The following LRRC37A2 variants were observed in gnomAD, a reference collection of about 807,000 sequenced individuals.
LRRC37A2 encodes the protein leucine rich repeat containing 37 member A2.
LRRC37A2 carries 9 observed loss-of-function variants against 68.8 expected under a neutral mutation model. The ratio of observed to expected loss-of-function variants is 0.13; its 90% confidence interval spans 0.08 to 0.23. The LOEUF is 0.23. Among genes scored for constraint, LRRC37A2 ranks in the 10% least tolerant of loss-of-function variants. The pLI is 1.00. For synonymous variants in LRRC37A2, 63 were observed against 367.6 expected (o/e 0.17, Z 9.48); for missense variants, 168 against 950.4 (o/e 0.18, Z 10.82).
the LRRC37A2 span, among the ~76,000 whole-genome samples, chr17:46,392,435 T>TTCTTTCTC: frequency 3.5e-5 from 1 of 28,378 alleles, no homozygotes; most frequent in East Asian, 5.9e-4. Context: ...CTTTCTCTCT[T>TTCTTTCTC]TCTTTCTTTC....
At chr17:46,788,740 C>T in the LRRC37A2 span, among the ~76,000 whole-genome samples, 2 of 147,340 alleles carry the variant, frequency 1.4e-5, no homozygotes, top group South Asian at 2.1e-4. Context: ...AGTGGCCCTG[C>T]GAGGACCTCC....
the LRRC37A2 span, among the ~76,000 whole-genome samples, chr17:46,958,679 A>G: frequency 6.6e-6 from 1 of 152,240 alleles, no homozygotes; most frequent in Non-Finnish European, 1.5e-5. Flanking sequence ...CTGATGGACA[A>G]GAGTTCTCCC....
At chr17:46,923,533 GTCAACTCGGTGCTCC>G in the LRRC37A2 span, 1 of 1,340,224 alleles carries the variant, frequency 7.5e-7, no homozygotes, top group African/African-American at 1.5e-5. Context: ...TCCAGCACTT[GTCAACTCGGTGCTCC>G]TGGTTGGTAG....
chr17:46,926,869 G>A, the LRRC37A2 span, among the ~76,000 whole-genome samples: 13 of 152,284 alleles, frequency 8.5e-5, no homozygotes, highest in Non-Finnish European at 1.5e-4. Flanking sequence ...TTTGATGAAC[G>A]TCCTGCCATG....
the LRRC37A2 span, among the ~76,000 whole-genome samples, chr17:46,731,196 T>A: frequency 6.6e-6 from 1 of 152,070 alleles, no homozygotes; most frequent in South Asian, 2.1e-4. Flanking sequence ...ACAACATGAA[T>A]GAACTTTGAA....
the LRRC37A2 span, among the ~76,000 whole-genome samples, chr17:46,492,998 G>GTTT: frequency 4.6e-5 from 6 of 130,102 alleles, no homozygotes; most frequent in Admixed American, 1.5e-4. Context: ...CTGGCCTCAA[G>GTTT]TTTTTTTTTT....
chr17:46,822,069 C>T, the LRRC37A2 span, among the ~76,000 whole-genome samples: 2 of 152,346 alleles, frequency 1.3e-5, no homozygotes, highest in Non-Finnish European at 2.9e-5. Flanking sequence ...GAAGCCGTTG[C>T]AGCGGGGAAG....
the LRRC37A2 span, among the ~76,000 whole-genome samples, chr17:46,777,350 G>A: frequency 6.6e-6 from 1 of 152,256 alleles, no homozygotes; most frequent in Non-Finnish European, 1.5e-5. Flanking sequence ...TGGCAAGGCG[G>A]CTCCTCACCC....
At chr17:46,885,348 G>C in the LRRC37A2 span, 10 of 238,656 alleles carry the variant, frequency 4.2e-5, no homozygotes, top group African/African-American at 2.1e-4. Flanking sequence ...TGTCACCCAG[G>C]CTGGAGTGCA....
chr17:46,847,967 A>AGTGC, the LRRC37A2 span, among the ~76,000 whole-genome samples: 8 of 149,582 alleles, frequency 5.3e-5, no homozygotes, highest in African/African-American at 1.7e-4. Context: ...TGATTTCCAA[A>AGTGC]GTGTGTGTGT....
the LRRC37A2 span, among the ~76,000 whole-genome samples, chr17:46,907,377 T>G: frequency 6.6e-6 from 1 of 151,720 alleles, no homozygotes; most frequent in Non-Finnish European, 1.5e-5. Flanking sequence ...TGGCAGTGAG[T>G]ACTCGGGGCA....
the LRRC37A2 span, among the ~76,000 whole-genome samples, chr17:46,991,277 T>A: frequency 7.6e-4 from 116 of 152,324 alleles, 1 homozygote; most frequent in Middle Eastern, 0.031. Flanking sequence ...ACTTCTTATC[T>A]GTTGCTTACA....
chr17:46,493,428 C>CTGAG, the LRRC37A2 span, among the ~76,000 whole-genome samples: 2 of 132,702 alleles, frequency 1.5e-5, no homozygotes, highest in African/African-American at 6.1e-5. Flanking sequence ...TCCCAAAGTG[C>CTGAG]TGAGATTACA....
the LRRC37A2 span, among the ~76,000 whole-genome samples, chr17:47,020,781 C>CAAAAAAAAAAAAAAAAAAAAAAAAAAAAA: frequency 2.0e-4 from 4 of 20,110 alleles, no homozygotes; most frequent in African/African-American, 2.9e-4. Context: ...GACTCCATCT[C>CAAAAAAAAAAAAAAAAAAAAAAAAAAAAA]AAAAAAAAAA....
the LRRC37A2 span, chr17:46,851,549 C>T: frequency 1.9e-5 from 13 of 683,206 alleles, no homozygotes; most frequent in African/African-American, 5.7e-5. The surrounding 1 kb of genome is among the most constrained non-coding windows in gnomAD (Gnocchi z 4.3). Context: ...CCCGCCCCAC[C>T]CGGGTTTAAA....
chr17:46,494,612 C>T, the LRRC37A2 span, among the ~76,000 whole-genome samples: 119 of 151,304 alleles, frequency 7.9e-4, no homozygotes, highest in Non-Finnish European at 1.1e-3. Context: ...TTGCTGATTC[C>T]TGGCCTGACA....
At chr17:47,009,290 T>A in the LRRC37A2 span, among the ~76,000 whole-genome samples, 1 of 152,232 alleles carries the variant, frequency 6.6e-6, no homozygotes, top group African/African-American at 2.4e-5. Context: ...AACACCCTGT[T>A]AGTTTAATTT....
the LRRC37A2 span, among the ~76,000 whole-genome samples, chr17:46,725,455 C>G: frequency 6.6e-6 from 1 of 152,008 alleles, no homozygotes; most frequent in Non-Finnish European, 1.5e-5. Context: ...GAGAAATTGT[C>G]AGTATTTATG....
the LRRC37A2 span, among the ~76,000 whole-genome samples, chr17:46,863,957 C>T: frequency 9.7e-3 from 1,476 of 152,278 alleles, 10 homozygotes; most frequent in Middle Eastern, 0.034. Context: ...GTGGGCCATC[C>T]GTGGGGCCTG....
Sources: gnomAD v4.1 joint callset for allele counts (sites outside exome capture counted in the v4.1 genomes callset) on GRCh38, gnomAD v4.1.1 for gene constraint, Gnocchi (gnomAD v3.1) non-coding constraint, MANE v1.5 for transcripts, NCBI Gene and HGNC (gene_info 2026-07-23, HGNC 2026-07-21) for gene names.